ANTXR1: variants seen among roughly 807,000 people sequenced by gnomAD.
ANTXR1 encodes the protein anthrax toxin receptor 1.
In ANTXR1, 19 loss-of-function variants were observed where a neutral mutation model predicts 78.1. The observed-to-expected ratio is 0.24, with a 90% CI of 0.17 to 0.36. The LOEUF (loss-of-function observed/expected upper bound fraction) is 0.36, where lower values mean the gene tolerates loss of function less well. ANTXR1 is among the 10% of genes least tolerant of loss of function. The probability of loss-of-function intolerance (pLI) is 1.00; values close to 1 mark genes in which losing one functional copy is unlikely to be tolerated. For synonymous variants in ANTXR1, 273 were observed against 260.5 expected (o/e 1.05, Z -0.46); for missense variants, 518 against 718.6 (o/e 0.72, Z 3.19).
chr2:69,133,318 CACTA>C (rs1350297185), intron 12 of ANTXR1, among the ~76,000 whole-genome samples: 1 of 152,212 alleles, frequency 6.6e-6, no homozygotes, highest in East Asian at 1.9e-4. Flanking sequence ...AATCAGGACT[CACTA>C]ACTGACTTTC....
intron 17 of ANTXR1, among the ~76,000 whole-genome samples, chr2:69,200,406 G>A (rs750816579): frequency 1.8e-4 from 28 of 152,334 alleles, no homozygotes; most frequent in Middle Eastern, 6.8e-3. Context: ...CCCTACTGTC[G>A]CAGAGGCGAG....
intron 16 of ANTXR1, among the ~76,000 whole-genome samples, chr2:69,185,412 T>G (rs1674393392): frequency 6.6e-6 from 1 of 152,120 alleles, no homozygotes; most frequent in Admixed American, 6.5e-5. Context: ...TGGTTGTGGG[T>G]GCCTGTAATC....
At chr2:69,016,533 C>T in intron 1 of ANTXR1, among the ~76,000 whole-genome samples, 1 of 152,172 alleles carries the variant, frequency 6.6e-6, no homozygotes, top group Non-Finnish European at 1.5e-5. Context: ...ATTGAACCTG[C>T]ATTGCATGTT....
intron 8 of ANTXR1, among the ~76,000 whole-genome samples, chr2:69,088,486 T>C (rs192987704): frequency 2.2e-4 from 34 of 152,344 alleles, no homozygotes; most frequent in African/African-American, 8.2e-4. Flanking sequence ...TTTCTCCCTC[T>C]GGGCTACCTC....
chr2:69,122,737 C>T (rs1404117731), intron 10 of ANTXR1, among the ~76,000 whole-genome samples: 1 of 152,058 alleles, frequency 6.6e-6, no homozygotes, highest in Non-Finnish European at 1.5e-5. Context: ...AATGCTATCC[C>T]TCCCCCCTCC....
At chr2:69,127,817 G>C (rs1332328665) in intron 12 of ANTXR1, among the ~76,000 whole-genome samples, 1 of 152,132 alleles carries the variant, frequency 6.6e-6, no homozygotes, top group African/African-American at 2.4e-5. Flanking sequence ...TGAAAGGATG[G>C]AGTTGCCATC....
chr2:69,024,744 C>T (rs1671292896), intron 1 of ANTXR1, among the ~76,000 whole-genome samples: 1 of 152,180 alleles, frequency 6.6e-6, no homozygotes, highest in South Asian at 2.1e-4. Flanking sequence ...CCCAGGTTGA[C>T]CTTGTACTCT....
chr2:69,122,872 G>C, intron 10 of ANTXR1, 145 bp from the exon 11 acceptor site: 2 of 802,070 alleles, frequency 2.5e-6, no homozygotes, highest in Non-Finnish European at 4.3e-6. Flanking sequence ...GCGATAGTTT[G>C]CTGTACAGCT....
chr2:69,193,013 G>T (rs73934789), intron 16 of ANTXR1, among the ~76,000 whole-genome samples: 1 of 152,302 alleles, frequency 6.6e-6, no homozygotes, highest in Admixed American at 6.5e-5. Context: ...TTGACTTGTG[G>T]TCTGAGGATA....
At chr2:69,200,699 A>C (rs1212484886) in intron 17 of ANTXR1, among the ~76,000 whole-genome samples, 1 of 152,204 alleles carries the variant, frequency 6.6e-6, no homozygotes, top group Non-Finnish European at 1.5e-5. Flanking sequence ...TGGGCTGAGC[A>C]CTAGGGATAT....
intron 12 of ANTXR1, among the ~76,000 whole-genome samples, chr2:69,143,765 A>G (rs1479139119): frequency 6.6e-6 from 1 of 152,188 alleles, no homozygotes; most frequent in Non-Finnish European, 1.5e-5. Flanking sequence ...AGGAGGAAAA[A>G]GATGACCTCC....
chr2:69,146,331 T>A, intron 12 of ANTXR1: 1 of 985,450 alleles, frequency 1.0e-6, no homozygotes, highest in Non-Finnish European at 1.2e-6. Flanking sequence ...GTTAAAATTG[T>A]TAAAATTAAA....
chr2:69,169,754 A>G (rs1367132643), intron 13 of ANTXR1, among the ~76,000 whole-genome samples: 1 of 152,238 alleles, frequency 6.6e-6, no homozygotes, highest in Non-Finnish European at 1.5e-5. Flanking sequence ...CCACCCTGCA[A>G]AGACACCCGT....
chr2:69,060,413 G>T (rs1290556634), intron 3 of ANTXR1, among the ~76,000 whole-genome samples: 12 of 152,162 alleles, frequency 7.9e-5, no homozygotes, highest in Admixed American at 7.2e-4. Flanking sequence ...TGAAGTCATG[G>T]AAGAATGAGG....
At chr2:69,128,016 C>G (rs1392204345) in intron 12 of ANTXR1, among the ~76,000 whole-genome samples, 4 of 152,036 alleles carry the variant, frequency 2.6e-5, no homozygotes, top group African/African-American at 4.8e-5. Context: ...CACTTGAGGG[C>G]CAGTTTAAGA....
At chr2:69,224,202 T>C (rs1675388130) in intron 17 of ANTXR1, among the ~76,000 whole-genome samples, 1 of 152,192 alleles carries the variant, frequency 6.6e-6, no homozygotes. Flanking sequence ...AGACTGGGAA[T>C]TTTCCTTTTG....
At chr2:69,088,598 T>C (rs1671129167) in intron 8 of ANTXR1, among the ~76,000 whole-genome samples, 1 of 152,022 alleles carries the variant, frequency 6.6e-6, no homozygotes, top group African/African-American at 2.4e-5. Context: ...AAGTACCCCA[T>C]CAAACAGGAA....
chr2:69,076,804 T>A (rs1254933562), intron 7 of ANTXR1, among the ~76,000 whole-genome samples: 1 of 152,254 alleles, frequency 6.6e-6, no homozygotes, highest in Non-Finnish European at 1.5e-5. Context: ...ACACAACAGC[T>A]GACACTGACT....
intron 10 of ANTXR1, among the ~76,000 whole-genome samples, chr2:69,115,501 A>G (rs1372900736): frequency 2.0e-5 from 3 of 152,210 alleles, no homozygotes. Flanking sequence ...TATTACTCCC[A>G]TATTATAGAT....
Sources: gnomAD v4.1 joint callset for allele counts (sites outside exome capture counted in the v4.1 genomes callset) on GRCh38, gnomAD v4.1.1 for gene constraint, MANE v1.5 for transcripts, NCBI Gene and HGNC (gene_info 2026-07-23, HGNC 2026-07-21) for gene names.